ADAMTSL1: variants seen among roughly 807,000 people sequenced by gnomAD.
ADAMTSL1 encodes ADAMTS like 1.
ADAMTSL1 carries 126 observed loss-of-function variants against 201.8 expected under a neutral mutation model. The ratio of observed to expected loss-of-function variants is 0.62; its 90% confidence interval spans 0.54 to 0.72. The LOEUF (loss-of-function observed/expected upper bound fraction) is 0.72, where lower values mean the gene tolerates loss of function less well. Among genes scored for constraint, ADAMTSL1 ranks in the 30% least tolerant of loss-of-function variants. ADAMTSL1 has a pLI of 0.00. For missense variants in ADAMTSL1, 2,679 were observed against 2,277.8 expected (o/e 1.18, Z -3.59); for synonymous variants, 1,121 against 903.4 (o/e 1.24, Z -4.32).
intron 2 of ADAMTSL1, among the ~76,000 whole-genome samples, chr9:18,342,248 T>C (rs1036879772): frequency 6.6e-6 from 1 of 152,160 alleles, no homozygotes; most frequent in Non-Finnish European, 1.5e-5. Context: ...AAAAATAGGC[T>C]TTTTCTTTTC....
chr9:18,189,282 A>T (rs1171857142), intron 2 of ADAMTSL1, among the ~76,000 whole-genome samples: 1 of 152,170 alleles, frequency 6.6e-6, no homozygotes, highest in Non-Finnish European at 1.5e-5. Context: ...ATGGCTGTGG[A>T]TAGTCACACT....
chr9:18,872,472 T>A (rs1253248770), intron 23 of ADAMTSL1, among the ~76,000 whole-genome samples: 1 of 152,158 alleles, frequency 6.6e-6, no homozygotes, highest in Non-Finnish European at 1.5e-5. Context: ...GTGTAGTCTT[T>A]TATCCATCAC....
intron 1 of ADAMTSL1, among the ~76,000 whole-genome samples, chr9:18,143,015 A>G (rs2132013011): frequency 6.6e-6 from 1 of 152,284 alleles, no homozygotes; most frequent in South Asian, 2.1e-4. Flanking sequence ...CTCAGTAAAT[A>G]CTGGGTGCAA....
chr9:18,013,342 G>T (rs1296524789), intron 1 of ADAMTSL1, among the ~76,000 whole-genome samples: 1 of 151,980 alleles, frequency 6.6e-6, no homozygotes, highest in Non-Finnish European at 1.5e-5. Context: ...ATGGTCAGGA[G>T]GATATCTAGA....
intron 2 of ADAMTSL1, among the ~76,000 whole-genome samples, chr9:18,294,780 C>T (rs537281836): frequency 6.6e-6 from 1 of 152,058 alleles, no homozygotes; most frequent in Non-Finnish European, 1.5e-5. Context: ...ATAAATAATA[C>T]CCGGTGGAAG....
chr9:18,674,807 C>T (rs1461402709), intron 9 of ADAMTSL1, among the ~76,000 whole-genome samples: 1 of 152,078 alleles, frequency 6.6e-6, no homozygotes, highest in Non-Finnish European at 1.5e-5. Context: ...AAGCATCTTC[C>T]ACTTATGCAC....
intron 2 of ADAMTSL1, among the ~76,000 whole-genome samples, chr9:18,331,884 A>G (rs1835041272): frequency 6.6e-6 from 1 of 152,154 alleles, no homozygotes; most frequent in African/African-American, 2.4e-5. Flanking sequence ...CACTTTTATT[A>G]TATTATATTT....
intron 1 of ADAMTSL1, among the ~76,000 whole-genome samples, chr9:17,919,923 T>C (rs930976443): frequency 6.6e-6 from 1 of 152,138 alleles, no homozygotes; most frequent in Non-Finnish European, 1.5e-5. Context: ...GCTACACCAT[T>C]ATACATTCCC....
chr9:18,372,640 C>G (rs9406746), intron 2 of ADAMTSL1, among the ~76,000 whole-genome samples: 61,587 of 151,924 alleles, frequency 0.41, 12,994 homozygotes, highest in Non-Finnish European at 0.47. Context: ...GTGTGTTCAC[C>G]AACATTATAA....
Position 18,339,190 on chromosome 9 carries a change from A to T in ADAMTSL1, c.208-165639A>T, listed in dbSNP as rs138424883. Among the ~76,000 whole-genome samples the T allele has an allele frequency of 5.6e-3, 850 of 152,320 alleles. 9 individuals are homozygous for T. Among genetic ancestry groups the T allele is most frequent in the African/African-American group, 0.02 (814 of 41,586 alleles). ...CAGACAACCTACAGAATGGGAAAAA[A>T]TATTTGCAAACTATGTATCCAACAA... On this transcript the variant is annotated intron_variant, in intron 2 of 29. Transcript: ENST00000680146.
chr9:17,948,951 G>A (rs2811825), intron 1 of ADAMTSL1, among the ~76,000 whole-genome samples: 2 of 152,066 alleles, frequency 1.3e-5, no homozygotes, highest in Non-Finnish European at 2.9e-5. Context: ...AACTGAGGAT[G>A]AGCCAGTTTA....
At chr9:18,243,182 A>T (rs1270539219) in intron 2 of ADAMTSL1, among the ~76,000 whole-genome samples, 1 of 152,180 alleles carries the variant, frequency 6.6e-6, no homozygotes, top group African/African-American at 2.4e-5. Flanking sequence ...GTTCATACTT[A>T]TATGGTCAAC....
intron 1 of ADAMTSL1, among the ~76,000 whole-genome samples, chr9:17,915,649 G>C (rs1474329230): frequency 6.6e-6 from 1 of 152,200 alleles, no homozygotes; most frequent in South Asian, 2.1e-4. Context: ...TTTTTCAAAA[G>C]GTTGTACCCT....
intron 1 of ADAMTSL1, among the ~76,000 whole-genome samples, chr9:18,122,798 G>A (rs1438329842): frequency 6.6e-6 from 1 of 151,724 alleles, no homozygotes; most frequent in African/African-American, 2.4e-5. Flanking sequence ...TTGTTTTTTT[G>A]GGGACTAGGT....
chr9:18,180,139 T>A (rs1173224531), intron 2 of ADAMTSL1, among the ~76,000 whole-genome samples: 1 of 152,090 alleles, frequency 6.6e-6, no homozygotes, highest in South Asian at 2.1e-4. Flanking sequence ...CCATCTCACG[T>A]GCAGAGACAC....
chr9:18,558,475 T>C (rs1362023325), intron 3 of ADAMTSL1, among the ~76,000 whole-genome samples: 2 of 152,222 alleles, frequency 1.3e-5, no homozygotes, highest in Admixed American at 6.5e-5. Context: ...AACATATGTG[T>C]GCATGTGTCT....
chr9:18,263,948 G>A (rs1050204773), intron 2 of ADAMTSL1, among the ~76,000 whole-genome samples: 1 of 152,192 alleles, frequency 6.6e-6, no homozygotes, highest in Non-Finnish European at 1.5e-5. Context: ...GTCACTCAGT[G>A]TATGGCATTT....
At chr9:18,799,180 G>T (rs1822620569) in intron 20 of ADAMTSL1, among the ~76,000 whole-genome samples, 1 of 152,142 alleles carries the variant, frequency 6.6e-6, no homozygotes, top group African/African-American at 2.4e-5. Context: ...GATGAAAGTA[G>T]CTTAGGAGGG....
intron 2 of ADAMTSL1, among the ~76,000 whole-genome samples, chr9:18,254,345 G>GTT (rs59026505): frequency 0.019 from 942 of 49,382 alleles, 208 homozygotes; most frequent in East Asian, 0.022. Context: ...ACTCTTTTTG[G>GTT]TTTTTTTTTT....
Sources: allele counts gnomAD v4.1 joint callset (sites outside exome capture counted in the v4.1 genomes callset), GRCh38; gene constraint gnomAD v4.1.1; transcripts MANE v1.5; gene names NCBI Gene and HGNC (gene_info 2026-07-23, HGNC 2026-07-21).